MMS19: variants seen among roughly 807,000 people sequenced by gnomAD.
MMS19 encodes MMS19 cytosolic iron-sulfur assembly component, also known as MMS19 nucleotide excision repair protein homolog.
In MMS19, 77 loss-of-function variants were observed where a neutral mutation model predicts 129.8. That is an observed-to-expected ratio of 0.59 (90% confidence interval 0.49 to 0.72). The LOEUF is 0.72. Among genes scored for constraint, MMS19 ranks in the 30% least tolerant of loss-of-function variants. The probability of loss-of-function intolerance (pLI) is 0.00; values close to 1 mark genes in which losing one functional copy is unlikely to be tolerated. For synonymous variants in MMS19, 491 were observed against 502.8 expected (o/e 0.98, Z 0.31); for missense variants, 1,168 against 1,266.3 (o/e 0.92, Z 1.18).
At chr10:97,477,833 CA>C (rs768856657) in intron 5 of MMS19, 21 bp downstream of exon 5, 1 of 1,559,192 alleles carries the variant, frequency 6.4e-7, no homozygotes, top group East Asian at 2.3e-5. Context: ...AGGAGAATAC[CA>C]ACATGACTGT....
chr10:97,482,977 G>A (rs2037147599), intron 2 of MMS19, among the ~76,000 whole-genome samples: 1 of 151,890 alleles, frequency 6.6e-6, no homozygotes, highest in African/African-American at 2.4e-5. Flanking sequence ...AGCCAGGATG[G>A]TCTCGATCTC....
In MMS19 at chr10:97,460,914, A is replaced by G; in HGVS notation, c.2405T>C (p.Leu802Pro). 6.3e-7 allele frequency: 1 copy of G among 1,578,458 alleles called. No individual in the cohort carries two copies. The highest frequency in any genetic ancestry group is 8.6e-7 in the Non-Finnish European group (1 of 1,161,050). The stretch of plus-strand genomic sequence containing the variant: ...TCCACTCCAACTCCTTACCCAGAGA[A>G]GAAGAGTGAAGGCCTGACTACGACA... ...GPCRSQAFTL[L>P]LWVTKALVLR... Residue 802 changes from leucine to proline, a missense_variant, in exon 24 of 31, where the codon CTT (leucine) becomes CCT (proline). Around this residue, in one of 3 missense-constraint regions of MMS19, gnomAD observed 831 missense variants for 910.8 expected, o/e 0.91. Coordinates refer to ENST00000438925, the MANE Select transcript of MMS19 (RefSeq NM_022362.5).
rs553689799 is a variant in MMS19 at position 97,459,168 on chromosome 10, C to G, written c.2964+55G>C. ...CCCACCTGACTAAGGCAAAAAGGTA[C>G]TTATGTGTCTCTTGAGATGTTCCCA... On this transcript the variant is annotated intron_variant, in intron 29 of 30. Coordinates refer to ENST00000438925, the MANE Select transcript of MMS19 (RefSeq NM_022362.5). 4.5e-6 allele frequency: 7 copies of G among 1,554,500 alleles called. No individual in the cohort carries two copies. The Admixed American group carries it at 9.3e-5, about 21-fold the overall frequency.
chr10:97,477,081 CT>C, intron 6 of MMS19, 118 bp from the exon 7 acceptor site: 2 of 1,537,690 alleles, frequency 1.3e-6, no homozygotes, highest in Non-Finnish European at 8.7e-7. Context: ...AGGGCTGACC[CT>C]TTTTCCATTC....
chr10:97,459,037 G>A, intron 29 of MMS19, 137 bp from the exon 30 acceptor site: 1 of 983,648 alleles, frequency 1.0e-6, no homozygotes, highest in African/African-American at 1.6e-5. Context: ...GTGGCAGGAT[G>A]GCCTTTCTGT....
chr10:97,479,776 A>T (rs944178938), intron 3 of MMS19, among the ~76,000 whole-genome samples: 1 of 152,190 alleles, frequency 6.6e-6, no homozygotes, highest in African/African-American at 2.4e-5. Flanking sequence ...TAAACAATGC[A>T]ACCAACTATC....
chr10:97,476,614 C>T, intron 8 of MMS19, 69 bp downstream of exon 8: 1 of 1,490,058 alleles, frequency 6.7e-7, no homozygotes, highest in Non-Finnish European at 9.3e-7. Context: ...CCCTCAGTGC[C>T]CAGAACAGGG....
In MMS19 at chr10:97,496,312, T is replaced by TA. The variant is rs2039769417; in HGVS notation, c.112+1960dup. ...GGGAGGATGGCTTCAGTCCTGGAGTTAGAGACCAACCTAGGCAACATGGTG... is the reference window on the plus strand; with the variant it reads ...GGGAGGATGGCTTCAGTCCTGGAGTTAAGAGACCAACCTAGGCAACATGGTG... On this transcript the variant is annotated intron_variant, in intron 1 of 30. Coordinates refer to ENST00000438925, the MANE Select transcript of MMS19 (RefSeq NM_022362.5). 3.3e-5 allele frequency among the ~76,000 whole-genome samples: 5 copies of TA among 152,210 alleles called. No individual in the cohort carries two copies. The South Asian group carries it at 8.3e-4, about 25-fold the overall frequency.
Position 97,463,896 on chromosome 10 carries a change from G to C in MMS19, c.1874C>G (p.Pro625Arg). Residue 625 changes from proline to arginine, a missense_variant, in exon 19 of 31, where the codon CCT becomes CGT. Around this residue, in one of 3 missense-constraint regions of MMS19, gnomAD observed 831 missense variants for 910.8 expected, o/e 0.91. Coordinates refer to ENST00000438925, the MANE Select transcript of MMS19 (RefSeq NM_022362.5). ...SCWYFHQTAI[P>R]CLLALAVQAS... ...CTGCACAGCCAAGGCAAGCAGGCAA[G>C]GTATAGCTGTCTGGTGGAAATACCA... 6.2e-7 allele frequency: 1 copy of C among 1,612,448 alleles called. No homozygotes were observed. The highest frequency in any genetic ancestry group is 8.5e-7 in the Non-Finnish European group (1 of 1,179,236).
intron 8 of MMS19, among the ~76,000 whole-genome samples, chr10:97,475,428 AC>A (rs1223428636): frequency 6.6e-6 from 1 of 152,228 alleles, no homozygotes; most frequent in Non-Finnish European, 1.5e-5. Flanking sequence ...CAAAACCAAC[AC>A]AAAACACAAA....
At chr10:97,498,463 A>C (rs2040229227), upstream of MMS19, 3 of 1,526,244 alleles carry the variant, frequency 2.0e-6, no homozygotes, top group East Asian at 2.5e-5. Context: ...TCCCGAGCCA[A>C]TCTCCGGGGA....
At chr10:97,497,541 A>C (rs1203695909) in intron 1 of MMS19, among the ~76,000 whole-genome samples, 1 of 151,940 alleles carries the variant, frequency 6.6e-6, no homozygotes, top group Non-Finnish European at 1.5e-5. Flanking sequence ...TTTTCCTAGA[A>C]GAGCAAAGTC....
intron 9 of MMS19, 63 bp downstream of exon 9, chr10:97,470,712 C>T: frequency 9.6e-7 from 1 of 1,037,292 alleles, no homozygotes; most frequent in South Asian, 1.4e-5. Context: ...CATGCTTTTA[C>T]TGCTCTTTCT....
intron 19 of MMS19, among the ~76,000 whole-genome samples, chr10:97,463,168 T>G (rs1397482971): frequency 6.6e-6 from 1 of 151,028 alleles, no homozygotes; most frequent in African/African-American, 2.4e-5. Context: ...AAACAGTTTT[T>G]TTTTTTTTTT....
chr10:97,468,365 A>G lies in MMS19; in HGVS notation c.1105T>C (p.Trp369Arg). The G allele has an allele frequency of 6.2e-7, 1 of 1,612,254 alleles. No individual in the cohort carries two copies. Among genetic ancestry groups the G allele is most frequent in the South Asian group, 1.1e-5 (1 of 90,854 alleles). Reference sequence around the variant, plus strand: ...GCCTGCAACAGCTTGGCACTAGGCCACACCAGTTTCATGTCCGGTTCACAC... The same window carrying G: ...GCCTGCAACAGCTTGGCACTAGGCCGCACCAGTTTCATGTCCGGTTCACAC... ...HLCEPDMKLV[W>R]PSAKLLQAAA... The change falls in exon 13 of 31, where the codon TGG becomes CGG. Residue 369 changes from tryptophan (W) to arginine (R), a missense_variant. By Grantham distance (101) the Trp-to-Arg change is moderately radical. This residue lies in a region of MMS19 where 831 missense variants were observed against 910.8 expected (regional missense o/e 0.91). Coordinates refer to ENST00000438925, the MANE Select transcript of MMS19 (RefSeq NM_022362.5).
intron 26 of MMS19, 27 bp downstream of exon 26, chr10:97,460,019 G>T: frequency 6.2e-7 from 1 of 1,609,030 alleles, no homozygotes. Context: ...ATGTGTATAT[G>T]TGGGGACCTT....
At chr10:97,459,764 G>C (rs1246313291) in intron 26 of MMS19, 23 bp from the exon 27 acceptor site, 1 of 1,565,048 alleles carries the variant, frequency 6.4e-7, no homozygotes, top group South Asian at 1.1e-5. Flanking sequence ...GAAAGGCTTA[G>C]GGGAGAAATT....
chr10:97,485,773 G>C (rs1399570802), intron 1 of MMS19, among the ~76,000 whole-genome samples: 1 of 152,212 alleles, frequency 6.6e-6, no homozygotes. Flanking sequence ...GCACTAGTGA[G>C]ATATCACTTC....
chr10:97,487,946 T>A (rs2038202287), intron 1 of MMS19, among the ~76,000 whole-genome samples: 1 of 151,518 alleles, frequency 6.6e-6, no homozygotes, highest in African/African-American at 2.4e-5. Flanking sequence ...GCAAAACATG[T>A]GTGTGGTGGC....
Sources: allele counts gnomAD v4.1 joint callset (sites outside exome capture counted in the v4.1 genomes callset), GRCh38; gene constraint gnomAD v4.1.1; regional missense constraint gnomAD v4.1.1; transcripts MANE v1.5; gene names NCBI Gene and HGNC (gene_info 2026-07-23, HGNC 2026-07-21).